TVP23A: variants seen among roughly 807,000 people sequenced by gnomAD.
TVP23A encodes the protein trans-golgi network vesicle protein 23 homolog A, also known as Golgi apparatus membrane protein TVP23 homolog A.
Under a neutral mutation model 31.7 loss-of-function variants are expected in TVP23A, and 21 were observed. That is an observed-to-expected ratio of 0.66 (90% CI 0.47 to 0.95). The LOEUF (loss-of-function observed/expected upper bound fraction) is 0.95. TVP23A is among the 40% of genes least tolerant of loss of function. TVP23A has a pLI of 0.00. For synonymous variants in TVP23A, 104 were observed against 96.0 expected (o/e 1.08, Z -0.49); for missense variants, 279 against 255.6 (o/e 1.09, Z -0.62).
chr16:10,788,136 A>T lies in TVP23A; in HGVS notation c.90-13040T>A, dbSNP rs4638571. On this transcript the variant is annotated intron_variant, in intron 2 of 7. Transcript: ENST00000299866. ...TGGTTTGGTCTGGAAAGGCAAAACA[A>T]CTCAAACAGGGAGGGCGCTTCTGGG... Among the ~76,000 whole-genome samples, 3,881 of 152,274 alleles carry T rather than the reference A, an allele frequency of 0.025. 505 individuals are homozygous for T. In the East Asian group the frequency reaches 0.42, roughly 16 times the overall value.
At chr16:10,806,064 G>A (rs867364272) in intron 2 of TVP23A, among the ~76,000 whole-genome samples, 20 of 152,294 alleles carry the variant, frequency 1.3e-4, no homozygotes, top group Middle Eastern at 3.4e-3. Context: ...ATATTCGGCC[G>A]GATGCGGTGG....
intron 2 of TVP23A, among the ~76,000 whole-genome samples, chr16:10,816,304 G>T (rs1364425783): frequency 1.3e-5 from 2 of 149,182 alleles, no homozygotes; most frequent in Non-Finnish European, 2.9e-5. Context: ...TGATGAAAGG[G>T]ACTTTGCAGA....
intron 2 of TVP23A, among the ~76,000 whole-genome samples, chr16:10,809,199 C>A (rs762531199): frequency 2.0e-5 from 3 of 152,172 alleles, no homozygotes; most frequent in African/African-American, 7.2e-5. Flanking sequence ...TATAATACAG[C>A]CAACATCAAC....
Position 10,818,329 on chromosome 16 carries a change from G to T in TVP23A, c.10-147C>A. The T allele has an allele frequency of 7.4e-7, 1 of 1,356,836 alleles. No individual in the cohort carries two copies. 84.0% of individuals were successfully genotyped at this position (1,356,836 alleles called of 1,614,324 possible). ...GAGCTGGCGGGGCCCCTCCGCTGCG[G>T]CTGCAGTGCAAAGCCCTCTCCACCC... On this transcript the variant is annotated intron_variant, in intron 1 of 7. Transcript: ENST00000299866. This position sits in a 1 kb window ranked among gnomAD's most constrained non-coding sequence, Gnocchi z 4.7.
intron 2 of TVP23A, among the ~76,000 whole-genome samples, chr16:10,798,122 A>T (rs1596549510): frequency 6.6e-6 from 1 of 150,738 alleles, no homozygotes; most frequent in Non-Finnish European, 1.5e-5. Flanking sequence ...CGCCCAGCTA[A>T]TTTTTTGTAT....
At chr16:10,813,860 G>T (rs1408825927) in intron 2 of TVP23A, among the ~76,000 whole-genome samples, 2 of 151,652 alleles carry the variant, frequency 1.3e-5, no homozygotes, top group Non-Finnish European at 2.9e-5. Context: ...ATTAGCCAGC[G>T]TGGTGGCACG....
rs144933462 is a variant in TVP23A, at chr16:10,781,850, C to CTTT, written c.90-6757_90-6755dup. Reference sequence around the variant, plus strand: ...AGCCCTCCTTCACAACTAACACAATCTTTTTTTTTTTTTTTTTTTTTTTTT... The same window carrying CTTT: ...AGCCCTCCTTCACAACTAACACAATCTTTTTTTTTTTTTTTTTTTTTTTTTTTT... On this transcript the variant is annotated intron_variant, in intron 2 of 7. Transcript: ENST00000299866. Among the ~76,000 whole-genome samples the CTTT allele has an allele frequency of 2.5e-3, 226 of 90,950 alleles. 52 individuals carry two copies. The East Asian group carries it at 0.066, about 26-fold the overall frequency. 59.7% of individuals were successfully genotyped at this position (90,950 alleles called of 152,430 possible).
chr16:10,777,967 T>C lies in TVP23A; in HGVS notation c.90-2871A>G, dbSNP rs1315978154. ...CGGAGGTTGCAGTGAGTTGAGATCG[T>C]ACTACTGCACTCCAGCCTGGTGACA... is the stretch of plus-strand genomic sequence containing the variant. On this transcript the variant is annotated intron_variant, in intron 2 of 7. Coordinates refer to ENST00000299866, the MANE Select transcript of TVP23A (RefSeq NM_001079512.4). This position sits in a 1 kb window ranked among gnomAD's most constrained non-coding sequence, Gnocchi z 4.5. Among the ~76,000 whole-genome samples, 5 of 151,674 alleles carry C rather than the reference T, an allele frequency of 3.3e-5. No individual in the cohort carries two copies. Among genetic ancestry groups the C allele is most frequent in the African/African-American group, 4.9e-5 (2 of 41,234 alleles).
At chr16:10,797,724 A>G (rs920824619) in intron 2 of TVP23A, among the ~76,000 whole-genome samples, 2 of 152,054 alleles carry the variant, frequency 1.3e-5, no homozygotes, top group Non-Finnish European at 2.9e-5. Context: ...TGTCTCTAAA[A>G]AAAAAATCAT....
At chr16:10,781,174 C>T (rs910190351) in intron 2 of TVP23A, among the ~76,000 whole-genome samples, 13 of 151,900 alleles carry the variant, frequency 8.6e-5, no homozygotes, top group African/African-American at 3.1e-4. Flanking sequence ...ACTAAAAATA[C>T]AAAAATTAGC....
downstream of TVP23A, among the ~76,000 whole-genome samples, chr16:10,758,194 A>C (rs1220093652): frequency 6.6e-6 from 1 of 152,048 alleles, no homozygotes; most frequent in African/African-American, 2.4e-5. Context: ...AACTTCAGCC[A>C]GCACAGTGAT....
At chr16:10,807,116 G>T (rs1596569054) in intron 2 of TVP23A, among the ~76,000 whole-genome samples, 2 of 152,276 alleles carry the variant, frequency 1.3e-5, no homozygotes, top group East Asian at 3.9e-4. Context: ...AAAGCTCAGG[G>T]GACAGGGGTC....
At chr16:10,787,496 G>A (rs146090408) in intron 2 of TVP23A, among the ~76,000 whole-genome samples, 3 of 152,230 alleles carry the variant, frequency 2.0e-5, no homozygotes, top group Admixed American at 2.0e-4. Context: ...CATGGGGCAG[G>A]CAACATGGCA....
intron 2 of TVP23A, among the ~76,000 whole-genome samples, chr16:10,803,245 C>G (rs1388279923): frequency 2.2e-5 from 3 of 135,474 alleles, no homozygotes; most frequent in Admixed American, 7.7e-5. Context: ...GATCGCGCCA[C>G]TGTGTGTGTG....
Position 10,771,785 on chromosome 16 carries a change from G to A in TVP23A, c.467C>T (p.Ala156Val), listed in dbSNP as rs1343345217. 6.3e-7 allele frequency: 1 copy of A among 1,577,938 alleles called. No individual in the cohort carries two copies. The highest frequency in any genetic ancestry group is 2.3e-5 in the East Asian group (1 of 43,104). Reference sequence around the variant, plus strand: ...GTTTGCAGCTTGGAGAGAGATCCCAGCAACCACCAGAGCCTGCACTCAGAC... The same window carrying A: ...GTTTGCAGCTTGGAGAGAGATCCCAACAACCACCAGAGCCTGCACTCAGAC... ...LKLKWLALVV[A>V]GISLQAANLY... Residue 156 changes from alanine (A) to valine (V), a missense_variant, in exon 6 of 8, where the codon GCT (alanine) becomes GTT (valine). Physicochemically the swap from Ala to Val is moderately conservative, Grantham distance 64. Coordinates refer to ENST00000299866, the MANE Select transcript of TVP23A (RefSeq NM_001079512.4).
chr16:10,772,634 T>C (rs1262531287), intron 5 of TVP23A, among the ~76,000 whole-genome samples: 1 of 151,904 alleles, frequency 6.6e-6, no homozygotes, highest in Non-Finnish European at 1.5e-5. Flanking sequence ...CCTCCCAAAG[T>C]GCTGGGATTA....
At chr16:10,806,739 C>A (rs926782609) in intron 2 of TVP23A, among the ~76,000 whole-genome samples, 6 of 152,158 alleles carry the variant, frequency 3.9e-5, no homozygotes, top group Non-Finnish European at 5.9e-5. Context: ...TGAGCTCAGG[C>A]AACCCACCCG....
At chr16:10,774,607 T>TCTC (rs1555478769) in intron 3 of TVP23A, among the ~76,000 whole-genome samples, 114 of 88,568 alleles carry the variant, frequency 1.3e-3, no homozygotes, top group African/African-American at 2.8e-3. Context: ...ATTCTCTCTC[T>TCTC]TTTTTTTTTT....
intron 2 of TVP23A, chr16:10,775,311 C>T (rs2031932663): frequency 1.4e-6 from 2 of 1,388,428 alleles, no homozygotes; most frequent in Non-Finnish European, 9.3e-7. Flanking sequence ...TTTTTTTCCT[C>T]CCCTTCGAAG....
Sources: gnomAD v4.1 joint callset for allele counts (sites outside exome capture counted in the v4.1 genomes callset) on GRCh38, gnomAD v4.1.1 for gene constraint, Gnocchi (gnomAD v3.1) non-coding constraint, MANE v1.5 for transcripts, NCBI Gene and HGNC (gene_info 2026-07-23, HGNC 2026-07-21) for gene names.